The following HIPK2 variants were observed in gnomAD, a reference collection of about 807,000 sequenced individuals.
HIPK2 encodes homeodomain interacting protein kinase 2.
In HIPK2, 27 loss-of-function variants were observed where a neutral mutation model predicts 113.7. The ratio of observed to expected loss-of-function variants is 0.24; its 90% CI spans 0.17 to 0.33. The LOEUF (loss-of-function observed/expected upper bound fraction) is 0.33. Ranked by LOEUF, HIPK2 falls within the 10% of genes least tolerant of loss-of-function variation. The pLI, the probability that HIPK2 is intolerant of heterozygous loss-of-function variation, is 1.00. For synonymous variants in HIPK2, 631 were observed against 642.2 expected (o/e 0.98, Z 0.26); for missense variants, 1,257 against 1,588.0 (o/e 0.79, Z 3.54).
At chr7:139,755,227 T>G (rs1264328616) in intron 1 of HIPK2, among the ~76,000 whole-genome samples, 1 of 152,190 alleles carries the variant, frequency 6.6e-6, no homozygotes, top group African/African-American at 2.4e-5. Flanking sequence ...CTTTTTCCCA[T>G]GGACACTGTT....
chr7:139,746,869 T>C (rs1160680705), intron 1 of HIPK2, among the ~76,000 whole-genome samples: 6 of 152,018 alleles, frequency 3.9e-5, no homozygotes, highest in Non-Finnish European at 8.8e-5. Flanking sequence ...TAGCCTGACA[T>C]AGCGTGTCTC....
chr7:139,677,623 C>T (rs1410076506), intron 2 of HIPK2, among the ~76,000 whole-genome samples: 3 of 152,118 alleles, frequency 2.0e-5, no homozygotes, highest in African/African-American at 7.2e-5. Context: ...ATGTGCAGAA[C>T]GTGCAGGTTT....
At position 139,561,727 on chromosome 7, in the gene HIPK2, G is replaced by A. The variant is rs935998218; in HGVS notation, c.*11200C>T. 6.6e-5 allele frequency: 10 copies of A among 151,218 alleles called. No individual in the cohort carries two copies. The highest frequency in any genetic ancestry group is 1.3e-4 in the Admixed American group (2 of 15,194). 9.4% of individuals were successfully genotyped at this position (151,218 alleles called of 1,614,324 possible). A position where few individuals can be genotyped will look rare whatever the true frequency, so the allele number is the denominator to read the frequency against. ...ATCAAAAAGAAACTATGAGTAACAA[G>A]CTATAACATAGTTCACCACAATGGG... On this transcript the variant is annotated 3_prime_UTR_variant, in exon 15 of 15. Transcript: ENST00000406875.
Position 139,714,146 on chromosome 7 carries a change from ACAGGCCTGTGGAGACC to A in HIPK2, c.1103+1770_1103+1785del. Among the ~76,000 whole-genome samples the A allele has an allele frequency of 6.6e-6, 1 of 152,306 alleles. No homozygotes were observed. The highest frequency in any genetic ancestry group is 2.1e-4 in the South Asian group (1 of 4,828). On this transcript the variant is annotated intron_variant, in intron 2 of 14. Coordinates refer to ENST00000406875, the MANE Select transcript of HIPK2 (RefSeq NM_022740.5). The surrounding 1 kb of genome is among the most constrained non-coding windows in gnomAD (Gnocchi z 4.2). The stretch of plus-strand genomic sequence containing the variant: ...CCGCACGGGGCCTGGTGGTGAAAGC[ACAGGCCTGTGGAGACC>A]TTTCTGCGCATAGGAAATGAGCGGG...
intron 2 of HIPK2, among the ~76,000 whole-genome samples, chr7:139,695,262 G>C (rs1794529087): frequency 6.6e-6 from 1 of 152,210 alleles, no homozygotes. Context: ...CCGATTCCCA[G>C]GGAGCCGTGG....
At chr7:139,626,338 G>C (rs1800428524) in intron 6 of HIPK2, among the ~76,000 whole-genome samples, 2 of 151,830 alleles carry the variant, frequency 1.3e-5, no homozygotes, top group Non-Finnish European at 2.9e-5. Flanking sequence ...CCTGACCTCA[G>C]GTGATCCACC....
chr7:139,647,913 G>A (rs1801300912), intron 2 of HIPK2, among the ~76,000 whole-genome samples: 1 of 152,244 alleles, frequency 6.6e-6, no homozygotes, highest in Non-Finnish European at 1.5e-5. Flanking sequence ...TGTCTCTGTA[G>A]TGTCAGCTGT....
chr7:139,612,664 C>T (rs944289316), intron 9 of HIPK2, among the ~76,000 whole-genome samples: 1 of 152,164 alleles, frequency 6.6e-6, no homozygotes, highest in Admixed American at 6.5e-5. Context: ...CTTACGTTTA[C>T]ATAACACTTT....
chr7:139,593,501 G>A (rs960245086), intron 12 of HIPK2, among the ~76,000 whole-genome samples: 1 of 152,198 alleles, frequency 6.6e-6, no homozygotes, highest in African/African-American at 2.4e-5. Context: ...TTTTGCATTG[G>A]CTTTCTTTTA....
chr7:139,583,758 A>C lies in HIPK2; in HGVS notation c.2965+59T>G, dbSNP rs780199110. On this transcript the variant is annotated intron_variant, in intron 13 of 14. Transcript: ENST00000406875. ...CATACAGCAACATTTCTAGCAGCAG[A>C]AAAGCAGGAAAACCACTCTCCAGGG... 2.0e-5 allele frequency: 31 copies of C among 1,571,112 alleles called. No homozygotes were observed. In the South Asian group the frequency reaches 3.3e-4, roughly 17 times the overall value.
intron 1 of HIPK2, among the ~76,000 whole-genome samples, chr7:139,723,011 A>G (rs1040916222): frequency 4.6e-5 from 7 of 151,780 alleles, no homozygotes; most frequent in Non-Finnish European, 1.0e-4. Context: ...CTATAGGAGC[A>G]TAACACCATG....
rs549585118 is a variant in HIPK2 at position 139,714,154 on chromosome 7, G to A, written c.1103+1778C>T. On this transcript the variant is annotated intron_variant, in intron 2 of 14. Transcript: ENST00000406875. The surrounding 1 kb of genome is among the most constrained non-coding windows in gnomAD (Gnocchi z 4.2). ...GGCCTGGTGGTGAAAGCACAGGCCT[G>A]TGGAGACCTTTCTGCGCATAGGAAA... Among the ~76,000 whole-genome samples, 1 of 152,332 alleles carries A rather than the reference G, an allele frequency of 6.6e-6. No homozygotes were observed. Among genetic ancestry groups the A allele is most frequent in the South Asian group, 2.1e-4 (1 of 4,830 alleles).
At chr7:139,596,130 C>T (rs549647825) in intron 12 of HIPK2, among the ~76,000 whole-genome samples, 2 of 152,172 alleles carry the variant, frequency 1.3e-5, no homozygotes, top group African/African-American at 2.4e-5. Context: ...GAGGCTCTGG[C>T]GCCAGGGTTA....
intron 2 of HIPK2, among the ~76,000 whole-genome samples, chr7:139,649,366 G>A (rs912385120): frequency 5.3e-5 from 8 of 152,186 alleles, no homozygotes; most frequent in Non-Finnish European, 1.0e-4. Context: ...CTGACCTTCA[G>A]TTCCCAGCCT....
chr7:139,635,044 T>G (rs1339699958), intron 2 of HIPK2, among the ~76,000 whole-genome samples: 1 of 152,218 alleles, frequency 6.6e-6, no homozygotes, highest in Non-Finnish European at 1.5e-5. Context: ...AACCTGCTTT[T>G]CTCTCTGCCC....
intron 12 of HIPK2, among the ~76,000 whole-genome samples, chr7:139,586,441 G>C (rs186526199): frequency 2.3e-4 from 35 of 152,100 alleles, no homozygotes; most frequent in Non-Finnish European, 4.3e-4. Context: ...AGAAAATATG[G>C]TGTATCCATA....
chr7:139,668,208 A>G (rs10954653), intron 2 of HIPK2, among the ~76,000 whole-genome samples: 14,084 of 151,888 alleles, frequency 0.093, 733 homozygotes, highest in South Asian at 0.14. Context: ...TTATGCAATA[A>G]TAGATAACCT....
chr7:139,577,330 T>C (rs1040896074), intron 13 of HIPK2, among the ~76,000 whole-genome samples: 5 of 151,972 alleles, frequency 3.3e-5, no homozygotes, highest in African/African-American at 1.2e-4. Flanking sequence ...TTTGTATTTT[T>C]AGTAGAGACA....
intron 4 of HIPK2, among the ~76,000 whole-genome samples, chr7:139,629,720 TA>T (rs2116887334): frequency 6.6e-6 from 1 of 152,278 alleles, no homozygotes; most frequent in Admixed American, 6.5e-5. Flanking sequence ...ATCCATGAGG[TA>T]ATCCAGAGGT....
Sources: allele counts gnomAD v4.1 joint callset (sites outside exome capture counted in the v4.1 genomes callset), GRCh38; gene constraint gnomAD v4.1.1; non-coding constraint Gnocchi (gnomAD v3.1); transcripts MANE v1.5; gene names NCBI Gene and HGNC (gene_info 2026-07-23, HGNC 2026-07-21).